HMCN1: variants seen among roughly 807,000 people sequenced by gnomAD.
HMCN1 encodes the protein hemicentin 1, also known as hemicentin-1.
Under a neutral mutation model 625.9 loss-of-function variants are expected in HMCN1, and 321 were observed. That is an observed-to-expected ratio of 0.51 (90% confidence interval 0.47 to 0.56). The LOEUF (loss-of-function observed/expected upper bound fraction) is 0.56, where lower values mean the gene tolerates loss of function less well. Ranked by LOEUF, HMCN1 falls within the 20% of genes least tolerant of loss-of-function variation. The probability of loss-of-function intolerance (pLI) is 0.00; values close to 1 mark genes in which losing one functional copy is unlikely to be tolerated. For synonymous variants in HMCN1, 2,425 were observed against 2,417.6 expected (o/e 1.00, Z -0.09); for missense variants, 6,588 against 6,887.3 (o/e 0.96, Z 1.54).
At chr1:186,147,698 G>T (rs1650407638) in intron 93 of HMCN1, among the ~76,000 whole-genome samples, 2 of 152,158 alleles carry the variant, frequency 1.3e-5, no homozygotes, top group Admixed American at 1.3e-4. Context: ...TAGGAGTTAT[G>T]TTTACACTAT....
rs1651347826 is a variant in HMCN1, at chr1:185,977,969, C to T, written c.2554C>T (p.Leu852Phe). The T allele has an allele frequency of 1.9e-6, 3 of 1,610,692 alleles. No homozygotes were observed. The highest frequency in any genetic ancestry group is 1.3e-5 in the African/African-American group (1 of 74,788). The change falls in exon 16 of 107, where the codon CTC becomes TTC. Residue 852 changes from leucine (L) to phenylalanine (F), a missense_variant. Physicochemically the swap from Leu to Phe is conservative, Grantham distance 22. This residue lies in a region of HMCN1 where 4,628 missense variants were observed against 4,853.1 expected (regional missense o/e 0.95). Coordinates refer to ENST00000271588, the MANE Select transcript of HMCN1 (RefSeq NM_031935.3). ...SSISQLRTGA[L>F]FILNLWASDK... ...CATCAGCCAACTAAGAACAGGAGCT[C>T]TCTTTATTTTAAGTAGGTTGAAGGA...
rs1473182847 is a variant in HMCN1, at chr1:186,095,270, G to C, written c.10322G>C (p.Gly3441Ala). 6.2e-7 allele frequency: 1 copy of C among 1,613,652 alleles called. No homozygotes were observed. The highest frequency in any genetic ancestry group is 1.1e-5 in the South Asian group (1 of 91,068). The part of the protein sequence containing the change: ...FAPPNMDNSM[G>A]TEEITVLKGS... The stretch of plus-strand genomic sequence containing the variant: ...CCACCAAATATGGACAATTCAATGG[G>C]GACAGAGGAAATCACAGTTCTCAAA... Residue 3441 changes from glycine (G) to alanine (A), a missense_variant, in exon 68 of 107, where the codon GGG becomes GCG. Coordinates refer to ENST00000271588, the MANE Select transcript of HMCN1 (RefSeq NM_031935.3).
intron 97 of HMCN1, among the ~76,000 whole-genome samples, chr1:186,162,145 C>T (rs1480045495): frequency 2.6e-5 from 4 of 152,116 alleles, no homozygotes; most frequent in African/African-American, 4.8e-5. Context: ...CTAAACTTCC[C>T]TTCTCACTTC....
In HMCN1 at chr1:185,734,940, A is replaced by G; in HGVS notation, c.161A>G (p.Asp54Gly). ...TTTGATGTGACTGGTTCTATGTATG[A>G]TGATTTAGTTCAGGTGATTGAAGGG... ...FVFDVTGSMY[D>G]DLVQVIEGAS... Residue 54 changes from aspartate (D) to glycine (G), a missense_variant, in exon 1 of 107, where the codon GAT becomes GGT. By Grantham distance (94) the Asp-to-Gly change is moderately conservative. Transcript: ENST00000271588. The G allele has an allele frequency of 1.2e-6, 2 of 1,614,074 alleles. No individual in the cohort carries two copies. Among genetic ancestry groups the G allele is most frequent in the Non-Finnish European group, 1.7e-6 (2 of 1,180,006 alleles).
At chr1:186,182,385 C>A (rs1171198487) in intron 105 of HMCN1, 98 bp downstream of exon 105, 2 of 1,366,190 alleles carry the variant, frequency 1.5e-6, no homozygotes, top group Non-Finnish European at 2.1e-6. Context: ...CTAGTGGCTT[C>A]CCCTTCTTAC....
chr1:185,866,599 G>A (rs1227275551), intron 4 of HMCN1, among the ~76,000 whole-genome samples: 1 of 151,290 alleles, frequency 6.6e-6, no homozygotes, highest in African/African-American at 2.4e-5. Flanking sequence ...GTAGAGACGG[G>A]GTTTCACCAT....
At chr1:185,901,781 C>A (rs890135730) in intron 4 of HMCN1, among the ~76,000 whole-genome samples, 5 of 151,752 alleles carry the variant, frequency 3.3e-5, no homozygotes, top group African/African-American at 1.2e-4. Context: ...CAAAATAGAC[C>A]TAATCCCAGT....
intron 1 of HMCN1, among the ~76,000 whole-genome samples, chr1:185,797,464 G>A (rs1056886708): frequency 2.0e-5 from 3 of 152,068 alleles, no homozygotes; most frequent in African/African-American, 7.2e-5. Flanking sequence ...ACCATATCTG[G>A]CTAATTAAAA....
At chr1:185,874,185 T>C (rs1490996689) in intron 4 of HMCN1, among the ~76,000 whole-genome samples, 4 of 151,904 alleles carry the variant, frequency 2.6e-5, no homozygotes, top group African/African-American at 7.3e-5. Context: ...ATGGATGGCT[T>C]TGAAAACAGT....
At chr1:186,187,752 G>A (rs1032623555) in intron 105 of HMCN1, 131 bp from the exon 106 acceptor site, 21 of 1,204,206 alleles carry the variant, frequency 1.7e-5, no homozygotes, top group Non-Finnish European at 2.6e-5. Flanking sequence ...AGAAGGTTAG[G>A]TATGACTAAG....
intron 1 of HMCN1, among the ~76,000 whole-genome samples, chr1:185,764,430 AT>A (rs1262490508): frequency 1.3e-5 from 2 of 152,072 alleles, no homozygotes; most frequent in African/African-American, 2.4e-5. Flanking sequence ...ATCTGATGCT[AT>A]TTTTTTAGGA....
At chr1:185,868,093 T>G (rs2057384) in intron 4 of HMCN1, among the ~76,000 whole-genome samples, 57,978 of 151,160 alleles carry the variant, frequency 0.38, 13,728 homozygotes, top group African/African-American at 0.67. Flanking sequence ...CAAAACAAAT[T>G]GGGTTAAATT....
At chr1:186,085,185 C>A (rs1041100067) in intron 57 of HMCN1, among the ~76,000 whole-genome samples, 5 of 152,164 alleles carry the variant, frequency 3.3e-5, no homozygotes, top group African/African-American at 7.2e-5. Context: ...TTCTCTTAAA[C>A]CTTCACGCCC....
intron 80 of HMCN1, among the ~76,000 whole-genome samples, chr1:186,121,018 G>C (rs1661372661): frequency 6.6e-6 from 1 of 152,172 alleles, no homozygotes; most frequent in South Asian, 2.1e-4. Context: ...TTTCTCTGAG[G>C]AAGTAATATT....
intron 11 of HMCN1, among the ~76,000 whole-genome samples, chr1:185,961,043 C>T (rs1379671084): frequency 6.6e-6 from 1 of 152,104 alleles, no homozygotes; most frequent in African/African-American, 2.4e-5. Context: ...AGGCTATCAA[C>T]CAAGTTCATG....
chr1:186,005,256 A>ATTTTTT lies in HMCN1; in HGVS notation c.4475+1412_4475+1413insTTTTTT, dbSNP rs1255331133. On this transcript the variant is annotated intron_variant, in intron 29 of 106. Transcript: ENST00000271588. ...AATTGTTTATAAACGTTTATAAACA[A>ATTTTTT]ATTTTTAATTGTTTATAAATGTTTA... 1.3e-3 allele frequency among the ~76,000 whole-genome samples: 177 copies of ATTTTTT among 139,748 alleles called. 15 individuals carry two copies. Among genetic ancestry groups the ATTTTTT allele is most frequent in the African/African-American group, 4.6e-3 (168 of 36,850 alleles). 91.7% of individuals were successfully genotyped at this position (139,748 alleles called of 152,430 possible).
At chr1:186,073,306 T>A (rs543991146) in intron 52 of HMCN1, among the ~76,000 whole-genome samples, 52 of 152,266 alleles carry the variant, frequency 3.4e-4, no homozygotes, top group African/African-American at 1.2e-3. Flanking sequence ...TGGCAAAGAA[T>A]TTTTGATCAA....
chr1:186,014,210 T>C (rs1305432317), intron 30 of HMCN1, among the ~76,000 whole-genome samples: 4 of 151,962 alleles, frequency 2.6e-5, no homozygotes, highest in Non-Finnish European at 4.4e-5. Context: ...AATCCTAGCT[T>C]AACCATGAGA....
At chr1:186,182,337 C>T (rs754704831) in intron 105 of HMCN1, 50 bp downstream of exon 105, 1 of 1,609,118 alleles carries the variant, frequency 6.2e-7, no homozygotes, top group Non-Finnish European at 8.5e-7. Context: ...TAAAAACCAA[C>T]AGAGAGTGTG....
Sources: allele counts gnomAD v4.1 joint callset (sites outside exome capture counted in the v4.1 genomes callset), GRCh38; gene constraint gnomAD v4.1.1; regional missense constraint gnomAD v4.1.1; transcripts MANE v1.5; gene names NCBI Gene and HGNC (gene_info 2026-07-23, HGNC 2026-07-21).